CPNE8: variants seen among roughly 807,000 people sequenced by gnomAD.
CPNE8 encodes copine 8.
In CPNE8, 45 loss-of-function variants were observed where a neutral mutation model predicts 81.5. The observed-to-expected ratio is 0.55, with a 90% CI of 0.44 to 0.71. CPNE8 has a LOEUF of 0.71. Among genes scored for constraint, CPNE8 ranks in the 30% least tolerant of loss-of-function variants. The pLI is 0.00. For missense variants in CPNE8, 594 were observed against 672.1 expected, an observed-to-expected ratio of 0.88 and a Z score of 1.28; for synonymous variants, 252 against 226.3, an observed-to-expected ratio of 1.11 and a Z score of -1.02.
At chr12:38,849,816 C>T (rs1943618067) in intron 3 of CPNE8, among the ~76,000 whole-genome samples, 1 of 152,164 alleles carries the variant, frequency 6.6e-6, no homozygotes, top group Non-Finnish European at 1.5e-5. Context: ...TCAATTACAG[C>T]CACCAGTTAT....
At chr12:38,706,667 T>G (rs1212548824) in intron 13 of CPNE8, among the ~76,000 whole-genome samples, 1 of 152,180 alleles carries the variant, frequency 6.6e-6, no homozygotes, top group African/African-American at 2.4e-5. Context: ...AAAGATCAAT[T>G]TAGAAGTCCA....
At chr12:38,678,909 T>C (rs1939350245) in intron 16 of CPNE8, among the ~76,000 whole-genome samples, 1 of 151,888 alleles carries the variant, frequency 6.6e-6, no homozygotes, top group African/African-American at 2.4e-5. Context: ...TGTATTAATT[T>C]AGTAGTAACA....
chr12:38,902,315 G>GGAAGGAAAGAAAGAAAGAAA (rs1336712315), intron 1 of CPNE8, among the ~76,000 whole-genome samples: 3 of 83,818 alleles, frequency 3.6e-5, no homozygotes, highest in Non-Finnish European at 7.0e-5. Context: ...AAGGAAGGAA[G>GGAAGGAAAGAAAGAAAGAAA]GAAAGAAAGA....
intron 10 of CPNE8, among the ~76,000 whole-genome samples, chr12:38,749,038 T>A (rs1456658924): frequency 6.6e-6 from 1 of 152,182 alleles, no homozygotes; most frequent in Non-Finnish European, 1.5e-5. Flanking sequence ...CCAAATCTCA[T>A]CTTGTAGCTC....
chr12:38,735,005 G>A (rs559169225), intron 10 of CPNE8, among the ~76,000 whole-genome samples: 4 of 152,050 alleles, frequency 2.6e-5, no homozygotes, highest in Non-Finnish European at 5.9e-5. Context: ...TGTATCAAAG[G>A]ATATCTCAAA....
At chr12:38,719,584 G>GAA (rs34008352) in intron 13 of CPNE8, among the ~76,000 whole-genome samples, 61,336 of 123,658 alleles carry the variant, frequency 0.5, 15,086 homozygotes, top group East Asian at 0.79. Context: ...ATTGTCTCAG[G>GAA]AAAAAAAAAA....
chr12:38,843,222 T>G (rs1323437704), intron 4 of CPNE8, among the ~76,000 whole-genome samples: 1 of 152,220 alleles, frequency 6.6e-6, no homozygotes, highest in Non-Finnish European at 1.5e-5. Flanking sequence ...GGATTACGTT[T>G]TTGATTCAAG....
At chr12:38,905,298 A>C in intron 1 of CPNE8, 139 bp downstream of exon 1, 1 of 943,622 alleles carries the variant, frequency 1.1e-6, no homozygotes, top group South Asian at 1.6e-5. Flanking sequence ...GGGTAACTCC[A>C]GCCCCACTAC....
chr12:38,891,047 G>A (rs1336284067), intron 1 of CPNE8, among the ~76,000 whole-genome samples: 2 of 151,492 alleles, frequency 1.3e-5, no homozygotes, highest in Non-Finnish European at 2.9e-5. Context: ...CTGCCTCCTC[G>A]CCCTCCCAAG....
At chr12:38,864,067 A>G (rs1033395391) in intron 3 of CPNE8, among the ~76,000 whole-genome samples, 4 of 151,902 alleles carry the variant, frequency 2.6e-5, no homozygotes, top group East Asian at 3.9e-4. Flanking sequence ...CAAAAAAAAA[A>G]AAAAAAGAAA....
At chr12:38,761,435 C>G (rs1402152443) in intron 9 of CPNE8, among the ~76,000 whole-genome samples, 2 of 151,896 alleles carry the variant, frequency 1.3e-5, no homozygotes, top group African/African-American at 4.8e-5. Flanking sequence ...ATGAGTCCAG[C>G]AAAATAAAGA....
chr12:38,835,860 T>C (rs955646073), intron 5 of CPNE8, among the ~76,000 whole-genome samples: 2 of 152,146 alleles, frequency 1.3e-5, no homozygotes, highest in African/African-American at 4.8e-5. Context: ...CAGTGACCCA[T>C]GAATACGTCT....
chr12:38,684,315 G>C (rs1939481586), intron 16 of CPNE8, among the ~76,000 whole-genome samples: 1 of 152,028 alleles, frequency 6.6e-6, no homozygotes, highest in African/African-American at 2.4e-5. Flanking sequence ...TAAGAAAAGA[G>C]AAATAGAGAA....
At chr12:38,709,900 C>G (rs1224199074) in intron 13 of CPNE8, among the ~76,000 whole-genome samples, 1 of 152,102 alleles carries the variant, frequency 6.6e-6, no homozygotes, top group Admixed American at 6.5e-5. Context: ...TAAACTTTGA[C>G]TTTTGCCTTA....
rs12811399 is a variant in CPNE8, at chr12:38,902,256, A to G, written c.98+3181T>C. Among the ~76,000 whole-genome samples, 108 of 26,986 alleles carry G rather than the reference A, an allele frequency of 4.0e-3. 1 individual carries two copies. The highest frequency in any genetic ancestry group is 5.5e-3 in the Non-Finnish European group (78 of 14,166). The allele number at this position is 26,986 out of a possible 152,430, so 17.7% of individuals were successfully genotyped here. ...AGGAAAGAAAGAAAGAAAGAAAGAA[A>G]AAAGAAAGAAAGAAAAAGAAAAGAA... On this transcript the variant is annotated intron_variant, in intron 1 of 19. Transcript: ENST00000331366.
At chr12:38,841,092 G>A (rs60409162) in intron 4 of CPNE8, among the ~76,000 whole-genome samples, 12,198 of 152,084 alleles carry the variant, frequency 0.08, 627 homozygotes, top group East Asian at 0.28. Context: ...CTGAGTATAC[G>A]GATGCTAGGC....
At chr12:38,775,133 A>G (rs947572473) in intron 7 of CPNE8, among the ~76,000 whole-genome samples, 2 of 152,036 alleles carry the variant, frequency 1.3e-5, no homozygotes, top group African/African-American at 4.8e-5. Context: ...TATAATATAT[A>G]CATATATTTG....
At chr12:38,715,390 C>T (rs565210595) in intron 13 of CPNE8, among the ~76,000 whole-genome samples, 6 of 152,104 alleles carry the variant, frequency 3.9e-5, no homozygotes, top group East Asian at 1.9e-4. Context: ...CTTTTGATGA[C>T]GTCAAGCTTT....
At chr12:38,893,770 A>C (rs1944346223) in intron 1 of CPNE8, among the ~76,000 whole-genome samples, 1 of 152,208 alleles carries the variant, frequency 6.6e-6, no homozygotes. Flanking sequence ...TTATTTAAAA[A>C]ACTCAAAGAT....
Sources: gnomAD v4.1 joint callset for allele counts (sites outside exome capture counted in the v4.1 genomes callset) on GRCh38, gnomAD v4.1.1 for gene constraint, MANE v1.5 for transcripts, NCBI Gene and HGNC (gene_info 2026-07-23, HGNC 2026-07-21) for gene names.